The following FBXO34 variants were observed in gnomAD, a reference collection of about 807,000 sequenced individuals.
FBXO34 encodes the protein F-box only protein 34.
A neutral mutation model predicts 24.5 loss-of-function variants in FBXO34; 12 were observed. The observed-to-expected ratio is 0.49, with a 90% CI of 0.31 to 0.79. The LOEUF is 0.79. FBXO34 is among the 30% of genes least tolerant of loss of function. FBXO34 has a pLI of 0.04. For missense variants in FBXO34, 823 were observed against 857.7 expected, an observed-to-expected ratio of 0.96 and a Z score of 0.51; for synonymous variants, 320 against 311.9, an observed-to-expected ratio of 1.03 and a Z score of -0.27.
intron 1 of FBXO34, among the ~76,000 whole-genome samples, chr14:55,331,717 G>GTATATATATATA (rs1222853863): frequency 3.3e-5 from 1 of 30,632 alleles, no homozygotes; most frequent in Non-Finnish European, 5.2e-5. Context: ...ATATATATAT[G>GTATATATATATA]TATATATATA....
At chr14:55,434,408 A>G in the FBXO34 span, among the ~76,000 whole-genome samples, 1 of 152,110 alleles carries the variant, frequency 6.6e-6, no homozygotes, top group African/African-American at 2.4e-5. Context: ...TCCTACACAG[A>G]TAGTCTCTTC....
At chr14:55,379,757 C>A in the FBXO34 span, among the ~76,000 whole-genome samples, 1 of 152,136 alleles carries the variant, frequency 6.6e-6, no homozygotes, top group Non-Finnish European at 1.5e-5. Context: ...AGTCTCATTC[C>A]GTCACTCAGG....
At chr14:55,386,166 C>A in the FBXO34 span, 3 of 1,278,446 alleles carry the variant, frequency 2.3e-6, no homozygotes, top group Non-Finnish European at 3.3e-6. Flanking sequence ...AGCTCCACCC[C>A]ACAAACATGC....
the FBXO34 span, among the ~76,000 whole-genome samples, chr14:55,421,215 T>C: frequency 2.6e-5 from 4 of 152,348 alleles, no homozygotes; most frequent in East Asian, 1.9e-4. Flanking sequence ...ATGGCACTTA[T>C]GAAAGTTTCC....
the FBXO34 span, among the ~76,000 whole-genome samples, chr14:55,418,197 G>A: frequency 6.6e-6 from 1 of 152,206 alleles, no homozygotes; most frequent in African/African-American, 2.4e-5. Flanking sequence ...CCTCAGCAGG[G>A]CTGGATTCCT....
the FBXO34 span, chr14:55,397,360 C>T: frequency 6.2e-7 from 1 of 1,611,342 alleles, no homozygotes; most frequent in Non-Finnish European, 8.5e-7. Context: ...AAAGACAAAA[C>T]AAAACACTCA....
intron 1 of FBXO34, among the ~76,000 whole-genome samples, chr14:55,302,699 G>A (rs114024464): frequency 0.014 from 2,130 of 151,892 alleles, 35 homozygotes; most frequent in African/African-American, 0.045. Context: ...GGCTAGAGTA[G>A]GCTTTATAAT....
At chr14:55,428,866 A>G in the FBXO34 span, 1 of 1,614,100 alleles carries the variant, frequency 6.2e-7, no homozygotes, top group African/African-American at 1.3e-5. Flanking sequence ...ATCTCACATC[A>G]CAGCTTCCAA....
At chr14:55,358,061 A>C (rs1461503229), downstream of FBXO34, among the ~76,000 whole-genome samples, 5 of 145,116 alleles carry the variant, frequency 3.4e-5, no homozygotes, top group African/African-American at 1.3e-4. Flanking sequence ...GTTGGCCTTC[A>C]CTCTGCCCTT....
intron 1 of FBXO34, among the ~76,000 whole-genome samples, chr14:55,311,330 CAT>C (rs1165273784): frequency 3.3e-5 from 5 of 152,176 alleles, no homozygotes; most frequent in African/African-American, 1.2e-4. Flanking sequence ...TCTCCCTTGA[CAT>C]GTGGGGATTA....
the FBXO34 span, among the ~76,000 whole-genome samples, chr14:55,427,721 G>A: frequency 6.6e-6 from 1 of 152,080 alleles, no homozygotes; most frequent in Non-Finnish European, 1.5e-5. Flanking sequence ...CTGGGGGCGG[G>A]GGAGGAGCAC....
chr14:55,424,736 A>T, the FBXO34 span, among the ~76,000 whole-genome samples: 1 of 152,242 alleles, frequency 6.6e-6, no homozygotes, highest in Non-Finnish European at 1.5e-5. Flanking sequence ...AACAGGTGCT[A>T]TATAAATAAA....
In FBXO34 at chr14:55,351,491, C is replaced by T. The variant is rs148503529; in HGVS notation, c.1101C>T (p.Asp367=). The T allele has an allele frequency of 6.2e-6, 10 of 1,613,976 alleles. No homozygotes were observed. The highest frequency in any genetic ancestry group is 1.1e-5 in the South Asian group (1 of 91,078). The change falls in exon 2 of 2, where the codon GAC becomes GAT. Residue 367 remains aspartate (D), a synonymous_variant. Coordinates refer to ENST00000313833, the MANE Select transcript of FBXO34 (RefSeq NM_017943.4). ...RCSPKEDQAW[D]GASQDCPPLP... is the part of the protein sequence containing the mutation. Reference sequence around the variant, plus strand: ...CTCCTAAGGAGGACCAGGCCTGGGACGGTGCTTCTCAGGACTGCCCCCCAT... The same window carrying T: ...CTCCTAAGGAGGACCAGGCCTGGGATGGTGCTTCTCAGGACTGCCCCCCAT...
intron 1 of FBXO34, among the ~76,000 whole-genome samples, chr14:55,321,166 T>TG (rs201356227): frequency 0.058 from 8,689 of 149,206 alleles, 317 homozygotes; most frequent in South Asian, 0.091. Flanking sequence ...TATGGGCGGT[T>TG]TTTTTTTTTT....
chr14:55,281,255 T>TTAA (rs1881531208), intron 1 of FBXO34, among the ~76,000 whole-genome samples: 1 of 98,456 alleles, frequency 1.0e-5, no homozygotes. Flanking sequence ...CCCGACTCCT[T>TTAA]AAAAAAAAAA....
downstream of FBXO34, among the ~76,000 whole-genome samples, chr14:55,357,357 C>G (rs1884536914): frequency 6.6e-6 from 1 of 152,200 alleles, no homozygotes; most frequent in African/African-American, 2.4e-5. Flanking sequence ...CCTCTATCTG[C>G]AAAGCAGAAC....
At chr14:55,310,064 G>A (rs974716279) in intron 1 of FBXO34, among the ~76,000 whole-genome samples, 5 of 152,160 alleles carry the variant, frequency 3.3e-5, no homozygotes, top group Admixed American at 2.0e-4. Flanking sequence ...GAAAAAGTAA[G>A]CTGTTTCAAA....
At chr14:55,344,797 C>T (rs1884106625) in intron 1 of FBXO34, among the ~76,000 whole-genome samples, 2 of 152,212 alleles carry the variant, frequency 1.3e-5, no homozygotes, top group Non-Finnish European at 2.9e-5. Flanking sequence ...GTTCAACTCC[C>T]ACAGTGAGAA....
At chr14:55,331,687 G>GTATA (rs199998638) in intron 1 of FBXO34, among the ~76,000 whole-genome samples, 1 of 28,894 alleles carries the variant, frequency 3.5e-5, no homozygotes, top group Non-Finnish European at 5.7e-5. Flanking sequence ...ATATATATGT[G>GTATA]TATATATATA....
Sources: gnomAD v4.1 joint callset for allele counts (sites outside exome capture counted in the v4.1 genomes callset) on GRCh38, gnomAD v4.1.1 for gene constraint, MANE v1.5 for transcripts, NCBI Gene and HGNC (gene_info 2026-07-23, HGNC 2026-07-21) for gene names.